The following DOCK3 variants were observed in gnomAD, a reference collection of about 807,000 sequenced individuals.
DOCK3 encodes the protein dedicator of cytokinesis 3, also known as dedicator of cytokinesis protein 3.
Under a neutral mutation model 265.6 loss-of-function variants are expected in DOCK3, and 60 were observed. That is an observed-to-expected ratio of 0.23 (90% CI 0.18 to 0.28). The LOEUF (loss-of-function observed/expected upper bound fraction) is 0.28. Among genes scored for constraint, DOCK3 ranks in the 10% least tolerant of loss-of-function variants. The probability of loss-of-function intolerance (pLI) is 1.00; values close to 1 mark genes in which losing one functional copy is unlikely to be tolerated. For missense variants in DOCK3, 1,981 were observed against 2,594.3 expected (o/e 0.76, Z 5.14); for synonymous variants, 881 against 938.0 (o/e 0.94, Z 1.11).
In DOCK3 at chr3:50,687,171, A is replaced by G. The variant is rs1393450456; in HGVS notation, c.37+11871A>G. Among the ~76,000 whole-genome samples, 6 of 152,128 alleles carry G rather than the reference A, an allele frequency of 3.9e-5. 1 individual carries two copies. The highest frequency in any genetic ancestry group is 1.4e-4 in the African/African-American group (6 of 41,504). On this transcript the variant is annotated intron_variant, in intron 1 of 52. Coordinates refer to ENST00000266037, the MANE Select transcript of DOCK3 (RefSeq NM_004947.5). ...GTGGAGGTTGCAGTGGGCTGAGATC[A>G]TGCCACTGCACTCCAGCCTGGGCAA...
At chr3:51,241,818 C>G (rs1178324925) in intron 21 of DOCK3, among the ~76,000 whole-genome samples, 1 of 152,168 alleles carries the variant, frequency 6.6e-6, no homozygotes, top group Non-Finnish European at 1.5e-5. Flanking sequence ...TCTGTCAGCT[C>G]CTGCATTGTT....
chr3:51,117,148 G>C (rs1193585750), intron 9 of DOCK3, among the ~76,000 whole-genome samples: 1 of 152,154 alleles, frequency 6.6e-6, no homozygotes, highest in Non-Finnish European at 1.5e-5. Flanking sequence ...TAAATACCTA[G>C]TTTATTGAGT....
At chr3:51,267,081 T>A (rs11715708) in intron 23 of DOCK3, among the ~76,000 whole-genome samples, 3 of 151,792 alleles carry the variant, frequency 2.0e-5, no homozygotes, top group Non-Finnish European at 2.9e-5. Context: ...TCATCATCAC[T>A]GGTCATTAGA....
chr3:51,180,858 C>T (rs1560171146), intron 12 of DOCK3, among the ~76,000 whole-genome samples: 1 of 152,090 alleles, frequency 6.6e-6, no homozygotes, highest in African/African-American at 2.4e-5. Context: ...TGTGTGCTCT[C>T]TGCAAGGAGG....
chr3:50,719,906 A>C, intron 1 of DOCK3: 1 of 600,028 alleles, frequency 1.7e-6, no homozygotes, highest in Admixed American at 2.2e-5. Flanking sequence ...GTCTGCTAAC[A>C]GCTTGAAGGA....
rs531761142 is a variant in DOCK3, at chr3:51,273,055, A to G, written c.2549-2024A>G. ...TGGGCGCCTGTAGTCCCAGCTACTC[A>G]GGAAGCTGAGGCAGGAGAATGGCGT... On this transcript the variant is annotated intron_variant, in intron 24 of 52. Transcript: ENST00000266037. 5.9e-5 allele frequency among the ~76,000 whole-genome samples: 9 copies of G among 151,876 alleles called. No individual in the cohort carries two copies. The South Asian group carries it at 1.3e-3, about 21-fold the overall frequency.
chr3:50,810,250 T>A lies in DOCK3; in HGVS notation c.122-31425T>A, dbSNP rs113868072. On this transcript the variant is annotated intron_variant, in intron 2 of 52. Transcript: ENST00000266037. ...GGTGGGCAGACAGGTATGTATACTC[T>A]TTAAAAATTTATTTAGCTGGCGGGG... 3.9e-5 allele frequency among the ~76,000 whole-genome samples: 6 copies of A among 152,234 alleles called. 2 individuals carry two copies. The highest frequency in any genetic ancestry group is 1.4e-4 in the African/African-American group (6 of 41,556).
chr3:51,035,080 AT>A (rs2080212718), intron 5 of DOCK3, among the ~76,000 whole-genome samples: 1 of 152,010 alleles, frequency 6.6e-6, no homozygotes, highest in South Asian at 2.1e-4. Flanking sequence ...CATTGAGCTT[AT>A]TATTGAATAT....
intron 2 of DOCK3, among the ~76,000 whole-genome samples, chr3:50,779,179 T>C (rs978171645): frequency 6.6e-6 from 1 of 152,200 alleles, no homozygotes; most frequent in Non-Finnish European, 1.5e-5. Context: ...CACCCTATTG[T>C]GCTATCAAAT....
At chr3:51,295,423 A>AT (rs775687871) in intron 27 of DOCK3, among the ~76,000 whole-genome samples, 2 of 152,198 alleles carry the variant, frequency 1.3e-5, no homozygotes, top group Admixed American at 6.5e-5. Flanking sequence ...TTCTTCATGG[A>AT]TCCACCCCTA....
At chr3:51,068,718 T>C (rs1443874751) in intron 6 of DOCK3, among the ~76,000 whole-genome samples, 1 of 152,148 alleles carries the variant, frequency 6.6e-6, no homozygotes, top group African/African-American at 2.4e-5. Flanking sequence ...ATGTGCTTTA[T>C]GCAGAACCTT....
At chr3:50,907,058 G>C (rs985953653) in intron 4 of DOCK3, among the ~76,000 whole-genome samples, 1 of 152,072 alleles carries the variant, frequency 6.6e-6, no homozygotes, top group Non-Finnish European at 1.5e-5. Context: ...CCATGTAGTT[G>C]AGTGGTTTTG....
At chr3:51,020,024 T>A (rs1292152341) in intron 5 of DOCK3, among the ~76,000 whole-genome samples, 1 of 151,868 alleles carries the variant, frequency 6.6e-6, no homozygotes, top group East Asian at 1.9e-4. Context: ...CAAATGGTAT[T>A]TCTGCCTCTG....
At chr3:51,261,607 C>T (rs114137496) in intron 23 of DOCK3, among the ~76,000 whole-genome samples, 6,524 of 152,236 alleles carry the variant, frequency 0.043, 174 homozygotes, top group Non-Finnish European at 0.067. Context: ...GGGAGACAAG[C>T]GGTCTAGTTC....
At chr3:50,840,416 T>A (rs893142242) in intron 2 of DOCK3, among the ~76,000 whole-genome samples, 2 of 152,230 alleles carry the variant, frequency 1.3e-5, no homozygotes, top group African/African-American at 4.8e-5. Context: ...TATATGTAGA[T>A]TCATTTTCTT....
At chr3:50,841,752 G>A in intron 3 of DOCK3, 37 bp downstream of exon 3, 1 of 150,586 alleles carries the variant, frequency 6.6e-6, no homozygotes. Context: ...TCTAATGTAG[G>A]AAGGAACTAC....
chr3:51,170,007 T>C (rs1189334880), intron 12 of DOCK3, among the ~76,000 whole-genome samples: 2 of 152,190 alleles, frequency 1.3e-5, no homozygotes, highest in East Asian at 3.9e-4. Context: ...GGGTTTAATA[T>C]CTAAAATCTG....
At chr3:51,094,022 T>C (rs1401383750) in intron 9 of DOCK3, among the ~76,000 whole-genome samples, 4 of 152,210 alleles carry the variant, frequency 2.6e-5, no homozygotes, top group African/African-American at 9.6e-5. Flanking sequence ...TGAAGCCAAC[T>C]TGATCATGGT....
In DOCK3 at chr3:51,146,618, T is replaced by G; in HGVS notation, c.816T>G (p.Cys272Trp). The G allele has an allele frequency of 6.3e-7, 1 of 1,589,192 alleles. No homozygotes were observed. Among genetic ancestry groups the G allele is most frequent in the South Asian group, 1.2e-5 (1 of 86,922 alleles). The change falls in exon 10 of 53, where the codon TGT becomes TGG. Residue 272 changes from cysteine to tryptophan, a missense_variant. Physicochemically the swap from Cys to Trp is radical, Grantham distance 215 (BLOSUM62 -2). This residue lies in a region of DOCK3 where 456 missense variants were observed against 539.0 expected (regional missense o/e 0.85). Transcript: ENST00000266037. ...PRNPEKIERM[C>W]ALFTDLSSKD... ...ACCCAGAGAAGATAGAACGAATGTG[T>G]GCCCTTTTTACAGTATGTACGAATT...
Sources: gnomAD v4.1 joint callset for allele counts (sites outside exome capture counted in the v4.1 genomes callset) on GRCh38, gnomAD v4.1.1 for gene constraint, gnomAD v4.1.1 regional missense constraint, MANE v1.5 for transcripts, NCBI Gene and HGNC (gene_info 2026-07-23, HGNC 2026-07-21) for gene names.